The following MAP4K4 variants were observed in gnomAD, a reference collection of about 807,000 sequenced individuals.
MAP4K4 encodes mitogen-activated protein kinase kinase kinase kinase 4.
Under a neutral mutation model 189.6 loss-of-function variants are expected in MAP4K4, and 38 were observed. The ratio of observed to expected loss-of-function variants is 0.20; its 90% CI spans 0.15 to 0.26. MAP4K4 has a LOEUF of 0.26. Among genes scored for constraint, MAP4K4 ranks in the 10% least tolerant of loss-of-function variants. MAP4K4 has a pLI of 1.00. For missense variants in MAP4K4, 1,054 were observed against 1,726.9 expected (o/e 0.61, Z 6.91); for synonymous variants, 610 against 624.3 (o/e 0.98, Z 0.34).
At chr2:101,805,724 G>A (rs2094861015) in intron 3 of MAP4K4, among the ~76,000 whole-genome samples, 3 of 152,216 alleles carry the variant, frequency 2.0e-5, no homozygotes, top group Admixed American at 6.5e-5. Flanking sequence ...CAGGAGTCCT[G>A]AGAAAGAGCA....
At chr2:101,741,152 AG>A (rs2062585878) in intron 2 of MAP4K4, among the ~76,000 whole-genome samples, 1 of 146,752 alleles carries the variant, frequency 6.8e-6, no homozygotes, top group Admixed American at 6.8e-5. Flanking sequence ...GGAAGTGTGG[AG>A]GGTAGTAGGT....
intron 2 of MAP4K4, among the ~76,000 whole-genome samples, chr2:101,758,078 TA>T (rs1188095319): frequency 1.3e-5 from 2 of 152,144 alleles, no homozygotes; most frequent in African/African-American, 4.8e-5. Context: ...GTTATGTGAA[TA>T]TGGGCTCTCT....
Position 101,760,499 on chromosome 2 carries a change from ACAAAAT to A in MAP4K4, c.124-30220_124-30215del, listed in dbSNP as rs1406311136. On this transcript the variant is annotated intron_variant, in intron 2 of 32. Transcript: ENST00000324219. ...CAAGACTCCATCTCAAAAAAAAAAAACAAAATATATATATATATATATATGTATATA... is the reference window on the plus strand; with the variant it reads ...CAAGACTCCATCTCAAAAAAAAAAAAATATATATATATATATATGTATATA... Among the ~76,000 whole-genome samples, 11 of 105,820 alleles carry A rather than the reference ACAAAAT, an allele frequency of 1.0e-4. 1 individual carries two copies. The East Asian group carries it at 2.9e-3, about 28-fold the overall frequency. The allele number at this position is 105,820 out of a possible 152,430, so 69.4% of individuals were successfully genotyped here.
At chr2:101,889,818 A>C (rs186525663) in intron 32 of MAP4K4, among the ~76,000 whole-genome samples, 6 of 152,322 alleles carry the variant, frequency 3.9e-5, no homozygotes, top group Admixed American at 6.5e-5. Context: ...AAGAAAGAAG[A>C]AGCTACACAT....
intron 6 of MAP4K4, among the ~76,000 whole-genome samples, chr2:101,830,236 G>A (rs921646185): frequency 6.6e-6 from 1 of 152,078 alleles, no homozygotes; most frequent in Non-Finnish European, 1.5e-5. Flanking sequence ...TTGCCAGAAT[G>A]TAAATTCTGG....
At chr2:101,778,306 G>C (rs1028068336) in intron 2 of MAP4K4, among the ~76,000 whole-genome samples, 2 of 152,226 alleles carry the variant, frequency 1.3e-5, no homozygotes, top group African/African-American at 4.8e-5. Context: ...ACCTCTGCGT[G>C]TCTCTGATTC....
intron 32 of MAP4K4, among the ~76,000 whole-genome samples, chr2:101,890,918 A>ACC (rs2098556774): frequency 6.6e-6 from 1 of 151,358 alleles, no homozygotes; most frequent in South Asian, 2.1e-4. Flanking sequence ...GTGCCACCAC[A>ACC]TGGTATTTTT....
chr2:101,738,738 T>G (rs962274162), intron 2 of MAP4K4, among the ~76,000 whole-genome samples: 4 of 151,994 alleles, frequency 2.6e-5, no homozygotes, highest in African/African-American at 9.7e-5. Flanking sequence ...GCCCTCTGCT[T>G]GCTTTCTGGG....
chr2:101,868,381 C>G (rs772441338), intron 21 of MAP4K4, among the ~76,000 whole-genome samples: 1 of 152,072 alleles, frequency 6.6e-6, no homozygotes, highest in Non-Finnish European at 1.5e-5. Flanking sequence ...GTTGGAACTG[C>G]TAGAAATTAA....
At chr2:101,725,278 G>A (rs559937004) in intron 2 of MAP4K4, among the ~76,000 whole-genome samples, 23 of 151,888 alleles carry the variant, frequency 1.5e-4, no homozygotes, top group African/African-American at 4.1e-4. Context: ...TGAAATAGAT[G>A]TAGCCATGCT....
intron 9 of MAP4K4, among the ~76,000 whole-genome samples, chr2:101,836,988 C>T (rs1055513479): frequency 1.3e-5 from 2 of 152,048 alleles, no homozygotes; most frequent in Non-Finnish European, 2.9e-5. Flanking sequence ...CTTTCTGGGT[C>T]CTTTCTTGTT....
chr2:101,829,395 C>T (rs2096517173), intron 5 of MAP4K4, 109 bp from the exon 6 acceptor site: 3 of 675,560 alleles, frequency 4.4e-6, no homozygotes, highest in Non-Finnish European at 8.0e-6. Flanking sequence ...TGTTCATGAG[C>T]TCACAAACAC....
chr2:101,718,115 G>T (rs535079167), intron 2 of MAP4K4, among the ~76,000 whole-genome samples: 15 of 152,170 alleles, frequency 9.9e-5, no homozygotes, highest in Middle Eastern at 3.4e-3. Flanking sequence ...AATTAGCCGG[G>T]CATGATGGCA....
chr2:101,720,245 C>T (rs1341329138), intron 2 of MAP4K4, among the ~76,000 whole-genome samples: 1 of 148,714 alleles, frequency 6.7e-6, no homozygotes, highest in East Asian at 2.0e-4. Flanking sequence ...ATGACCTCGG[C>T]TTGCTGCAAC....
chr2:101,827,277 A>G (rs2236937), intron 5 of MAP4K4, among the ~76,000 whole-genome samples: 20,724 of 152,150 alleles, frequency 0.14, 1,785 homozygotes, highest in South Asian at 0.28. Flanking sequence ...TCCTTTGCCT[A>G]CATGTCATCT....
intron 3 of MAP4K4, among the ~76,000 whole-genome samples, chr2:101,819,098 CT>C (rs977681117): frequency 4.6e-4 from 70 of 152,242 alleles, no homozygotes; most frequent in African/African-American, 1.6e-3. Context: ...ACTCAACTTT[CT>C]TTTTGTATAT....
chr2:101,864,059 G>A lies in MAP4K4; in HGVS notation c.2097+8G>A. The A allele has an allele frequency of 3.0e-6, 4 of 1,336,490 alleles. No homozygotes were observed. The highest frequency in any genetic ancestry group is 3.0e-6 in the Non-Finnish European group (3 of 998,848). 82.8% of individuals were successfully genotyped at this position (1,336,490 alleles called of 1,614,324 possible). The stretch of plus-strand genomic sequence containing the variant: ...GACGAGGTGCCTCCAAGGGTAAGGA[G>A]CAGAAAGACAGATGTGTGCTGCTTT... On this transcript the variant is annotated splice_region_variant and intron_variant, in intron 17 of 32. Coordinates refer to ENST00000324219, the Ensembl canonical transcript of MAP4K4.
At chr2:101,827,911 C>T (rs962329487) in intron 5 of MAP4K4, among the ~76,000 whole-genome samples, 2 of 152,140 alleles carry the variant, frequency 1.3e-5, no homozygotes, top group Non-Finnish European at 2.9e-5. Context: ...GAGGATAGGT[C>T]CTTCACTGAG....
chr2:101,757,343 C>G (rs567828441), intron 2 of MAP4K4, among the ~76,000 whole-genome samples: 1 of 152,242 alleles, frequency 6.6e-6, no homozygotes, highest in African/African-American at 2.4e-5. Context: ...CTGCATTTAT[C>G]TCTTTTTCTA....
Sources: allele counts gnomAD v4.1 joint callset (sites outside exome capture counted in the v4.1 genomes callset), GRCh38; gene constraint gnomAD v4.1.1; transcripts MANE v1.5; gene names NCBI Gene and HGNC (gene_info 2026-07-23, HGNC 2026-07-21).